Variants in IRAG2 observed in about 807,000 individuals in gnomAD.
IRAG2 encodes the protein inositol 1,4,5-triphosphate receptor associated 2.
In IRAG2, 45 loss-of-function variants were observed where a neutral mutation model predicts 69.9. The observed-to-expected ratio is 0.64, with a 90% CI of 0.51 to 0.83. IRAG2 has a LOEUF of 0.83. Among genes scored for constraint, IRAG2 ranks in the 40% least tolerant of loss-of-function variants. The pLI, the probability that IRAG2 is intolerant of heterozygous loss-of-function variation, is 0.00. For missense variants in IRAG2, 520 were observed against 587.0 expected, an observed-to-expected ratio of 0.89 and a Z score of 1.18; for synonymous variants, 193 against 202.4, an observed-to-expected ratio of 0.95 and a Z score of 0.40.
In IRAG2 at chr12:25,079,724, G is replaced by T; in HGVS notation, c.205G>T (p.Glu69Ter). The T allele has an allele frequency of 6.2e-7, 1 of 1,613,994 alleles. No homozygotes were observed. ...LDRNSLCKKE[E>*]DTRSASPTIE... Reference sequence around the variant, plus strand: ...CAGAAACTCGCTCTGTAAGAAAGAGGAGGATACAAGATCAGCTTCTCCCAC... The same window carrying T: ...CAGAAACTCGCTCTGTAAGAAAGAGTAGGATACAAGATCAGCTTCTCCCAC... Residue 69 changes from glutamate to a stop codon, truncating the protein, a stop_gained, in exon 9 of 22, where the codon GAG becomes TAG. Transcript: ENST00000556887. LOFTEE classifies it high-confidence loss of function.
intron 10 of IRAG2, chr12:25,031,199 G>A (rs543296962): frequency 4.7e-5 from 17 of 359,328 alleles, no homozygotes; most frequent in South Asian, 1.1e-4. Flanking sequence ...GGGATACTGC[G>A]TATTGTCCTA....
chr12:25,101,844 G>A, intron 16 of IRAG2: 1 of 487,278 alleles, frequency 2.1e-6, no homozygotes, highest in East Asian at 5.5e-5. Context: ...ACTTTTCTGA[G>A]CAGAATTCTT....
At chr12:25,016,218 G>C (rs1944527541) in intron 5 of IRAG2, among the ~76,000 whole-genome samples, 1 of 150,784 alleles carries the variant, frequency 6.6e-6, no homozygotes, top group Non-Finnish European at 1.5e-5. Flanking sequence ...GAAAAGTGGA[G>C]TGGGAACTAT....
At chr12:25,047,900 T>C (rs930693537), upstream of IRAG2, among the ~76,000 whole-genome samples, 1 of 152,230 alleles carries the variant, frequency 6.6e-6, no homozygotes, top group South Asian at 2.1e-4. Flanking sequence ...TTTGCTATTA[T>C]GAATAGTGCT....
intron 1 of IRAG2, among the ~76,000 whole-genome samples, chr12:25,054,116 T>A (rs535932186): frequency 6.6e-6 from 1 of 152,298 alleles, no homozygotes; most frequent in East Asian, 1.9e-4. Context: ...TAGCAGTGGT[T>A]ATTCAACATA....
At chr12:25,040,406 T>C (rs192523724) in intron 16 of IRAG2, among the ~76,000 whole-genome samples, 1 of 151,150 alleles carries the variant, frequency 6.6e-6, no homozygotes, top group East Asian at 1.9e-4. Context: ...ACTTGGGAGG[T>C]TGAGGTGGAA....
chr12:25,034,468 C>A (rs1212804545), intron 13 of IRAG2, among the ~76,000 whole-genome samples: 1 of 152,064 alleles, frequency 6.6e-6, no homozygotes, highest in Non-Finnish European at 1.5e-5. Flanking sequence ...TTTAAAGTGG[C>A]AAAATGAATT....
chr12:25,104,788 G>A (rs922835991), intron 20 of IRAG2, among the ~76,000 whole-genome samples: 1 of 152,048 alleles, frequency 6.6e-6, no homozygotes, highest in African/African-American at 2.4e-5. Flanking sequence ...GAAGTAAAAT[G>A]TCCATCTATT....
chr12:25,082,619 AAAAC>A (rs1056848236), intron 9 of IRAG2, among the ~76,000 whole-genome samples: 5 of 145,886 alleles, frequency 3.4e-5, no homozygotes, highest in African/African-American at 9.8e-5. Context: ...ACAAAAAACA[AAAAC>A]AAACAAAACA....
chr12:25,009,385 C>T (rs772596501), intron 2 of IRAG2, among the ~76,000 whole-genome samples: 39 of 152,124 alleles, frequency 2.6e-4, no homozygotes, highest in Non-Finnish European at 5.0e-4. Context: ...TTTGCATGTA[C>T]CCTTATTTAT....
Position 25,004,447 on chromosome 12 carries a change from CA to C in IRAG2, c.107del (p.Gln36ArgfsTer26). The C allele has an allele frequency of 8.1e-7, 1 of 1,232,108 alleles. No homozygotes were observed. Among genetic ancestry groups the C allele is most frequent in the Non-Finnish European group, 1.0e-6 (1 of 987,960 alleles). 76.3% of individuals were successfully genotyped at this position (1,232,108 alleles called of 1,614,324 possible). A position where few individuals can be genotyped will look rare whatever the true frequency, so the allele number is the denominator to read the frequency against. On this transcript the variant is annotated frameshift_variant, in exon 1 of 39. Transcript: ENST00000636465. LOFTEE classifies it high-confidence loss of function. ...GAGAGAAGCAATTTCAAATCCAATTCAGCAGATTATCAAATACCAATCTAGC... is the reference window on the plus strand; with the variant it reads ...GAGAGAAGCAATTTCAAATCCAATTCGCAGATTATCAAATACCAATCTAGC...
In IRAG2 at chr12:25,015,088, G is replaced by GAAAAAAAAAAAAAAAAAAAAAAAAAAA; in HGVS notation, c.897-70_897-69insAAAAAAAAAAAAAAAAAAAAAAAAAAA. On this transcript the variant is annotated intron_variant, in intron 3 of 38. Transcript: ENST00000636465. Reference sequence around the variant, plus strand: ...AAAGGAAAGTACAGAGCATAAATCTGAAAAAAAAAAAAAAAAAAAAAAAAG... The same window carrying GAAAAAAAAAAAAAAAAAAAAAAAAAAA: ...AAAGGAAAGTACAGAGCATAAATCTGAAAAAAAAAAAAAAAAAAAAAAAAAAAAAAAAAAAAAAAAAAAAAAAAAAAG... 25 of 50,228 alleles carry GAAAAAAAAAAAAAAAAAAAAAAAAAAA rather than the reference G, an allele frequency of 5.0e-4. 1 individual carries two copies. The highest frequency in any genetic ancestry group is 1.1e-3 in the African/African-American group (13 of 12,004). The allele number at this position is 50,228 out of a possible 1,614,324, so 3.1% of individuals were successfully genotyped here.
intron 9 of IRAG2, among the ~76,000 whole-genome samples, chr12:25,027,928 A>G (rs982242693): frequency 2.0e-5 from 3 of 151,182 alleles, no homozygotes; most frequent in African/African-American, 4.9e-5. Flanking sequence ...TTGTTTGTTT[A>G]TTTATTTATT....
intron 16 of IRAG2, among the ~76,000 whole-genome samples, chr12:25,043,325 C>A (rs1944765834): frequency 6.6e-6 from 1 of 152,220 alleles, no homozygotes; most frequent in Non-Finnish European, 1.5e-5. Flanking sequence ...ACATGTCCAA[C>A]ATTTCAGCTT....
upstream of IRAG2, among the ~76,000 whole-genome samples, chr12:25,002,644 C>CTTTT (rs747474830): frequency 3.6e-5 from 5 of 137,736 alleles, 1 homozygote; most frequent in African/African-American, 1.1e-4. Context: ...TCTTCTTCTT[C>CTTTT]TTTTCTTTTT....
intron 21 of IRAG2, 29 bp downstream of exon 21, chr12:25,107,079 A>T: frequency 7.7e-7 from 1 of 1,292,820 alleles, no homozygotes; most frequent in Non-Finnish European, 1.1e-6. Flanking sequence ...AAATTCTACC[A>T]TTTTAGTGGA....
intron 3 of IRAG2, among the ~76,000 whole-genome samples, chr12:25,014,868 C>T (rs564730548): frequency 4.0e-5 from 6 of 151,414 alleles, no homozygotes; most frequent in South Asian, 4.2e-4. Flanking sequence ...CATACGCTGC[C>T]TGTGAGTTTT....
At chr12:25,063,104 C>T (rs1248731327) in intron 3 of IRAG2, among the ~76,000 whole-genome samples, 2 of 152,154 alleles carry the variant, frequency 1.3e-5, no homozygotes, top group Non-Finnish European at 2.9e-5. Flanking sequence ...CCTTTGTCGC[C>T]CAGGCTGGAG....
rs145462703 is a variant in IRAG2 at position 25,046,813 on chromosome 12, G to T, written c.2145-5422G>T. 3.2e-4 allele frequency among the ~76,000 whole-genome samples: 49 copies of T among 152,132 alleles called. No homozygotes were observed. The East Asian group carries it at 9.3e-3, about 29-fold the overall frequency. On this transcript the variant is annotated intron_variant, in intron 16 of 38. Coordinates refer to the IRAG2 transcript ENST00000636465. ...AAAATTCCAATCGCATTTTTTTACA[G>T]GAATAGAAAGAAAATCCTAAAACTT...
Sources: allele counts gnomAD v4.1 joint callset (sites outside exome capture counted in the v4.1 genomes callset), GRCh38; gene constraint gnomAD v4.1.1; transcripts MANE v1.5; gene names NCBI Gene and HGNC (gene_info 2026-07-23, HGNC 2026-07-21).